Variants in C12orf42 observed in about 807,000 individuals in gnomAD.
C12orf42 encodes uncharacterized protein C12orf42.
In C12orf42, 25 loss-of-function variants were observed where a neutral mutation model predicts 21.6. That is an observed-to-expected ratio of 1.16 (90% confidence interval 0.84 to 1.62). C12orf42 has a LOEUF of 1.62. C12orf42 is among the 40% of genes most tolerant of loss of function. The probability of loss-of-function intolerance (pLI) is 0.00; values close to 1 mark genes in which losing one functional copy is unlikely to be tolerated. For missense variants in C12orf42, 483 were observed against 459.3 expected (o/e 1.05, Z -0.47); for synonymous variants, 174 against 175.0 (o/e 0.99, Z 0.05).
At chr12:103,422,271 G>A (rs1345086301) in intron 2 of C12orf42, among the ~76,000 whole-genome samples, 3 of 152,160 alleles carry the variant, frequency 2.0e-5, no homozygotes, top group Non-Finnish European at 4.4e-5. Flanking sequence ...GTACTTTCAA[G>A]AAACAACCCT....
chr12:103,052,142 G>A, the C12orf42 span, among the ~76,000 whole-genome samples: 3 of 151,994 alleles, frequency 2.0e-5, no homozygotes, highest in Non-Finnish European at 4.4e-5. Context: ...TAAAAATAAT[G>A]CTGCCTTGAA....
At position 103,477,477 on chromosome 12, in the gene C12orf42, A is replaced by G. The variant is rs563285716; in HGVS notation, c.78+872T>C. ...GTCCTAATGCCTAGAACCTGTGAAC[A>G]TTACCTTAGGTGGCAAAAGGAACGT... On this transcript the variant is annotated intron_variant, in intron 2 of 5. Transcript: ENST00000548883. Among the ~76,000 whole-genome samples the G allele has an allele frequency of 3.3e-5, 5 of 152,276 alleles. No individual in the cohort carries two copies. The East Asian group carries it at 5.8e-4, about 18-fold the overall frequency.
the C12orf42 span, among the ~76,000 whole-genome samples, chr12:103,114,259 G>A: frequency 6.6e-6 from 1 of 151,948 alleles, no homozygotes; most frequent in African/African-American, 2.4e-5. Flanking sequence ...TTTAAAGAAA[G>A]ATCAGTTTAG....
the C12orf42 span, among the ~76,000 whole-genome samples, chr12:103,139,524 A>C: frequency 8.5e-4 from 130 of 152,282 alleles, 1 homozygote; most frequent in East Asian, 0.022. Flanking sequence ...CTGGCTCAAA[A>C]AGAAGAGCAA....
intron 3 of C12orf42, among the ~76,000 whole-genome samples, chr12:103,371,562 A>C (rs2045238741): frequency 6.6e-6 from 1 of 152,202 alleles, no homozygotes. Context: ...AAAATAAGTG[A>C]AAGGGAGAGA....
At chr12:103,540,260 C>G in the C12orf42 span, among the ~76,000 whole-genome samples, 1 of 152,198 alleles carries the variant, frequency 6.6e-6, no homozygotes, top group Non-Finnish European at 1.5e-5. Context: ...CCTGCCGCAG[C>G]CTCCCAAAGT....
the C12orf42 span, among the ~76,000 whole-genome samples, chr12:103,223,402 C>G: frequency 6.6e-6 from 1 of 152,044 alleles, no homozygotes; most frequent in African/African-American, 2.4e-5. Flanking sequence ...AATTGAGAAA[C>G]TAAATGGAAT....
In C12orf42 at chr12:103,367,728, T is replaced by G. The variant is rs189831528; in HGVS notation, c.259+1159A>C. On this transcript the variant is annotated intron_variant, in intron 4 of 5. Coordinates refer to ENST00000548883, the MANE Select transcript of C12orf42 (RefSeq NM_198521.5). ...GGAAAAAGACTGTCTACTATGTACC[T>G]CTTTATATTTTTAGTTTTTGAACCA... Among the ~76,000 whole-genome samples the G allele has an allele frequency of 2.7e-3, 412 of 152,124 alleles. 1 individual carries two copies. Among genetic ancestry groups the G allele is most frequent in the African/African-American group, 9.6e-3 (398 of 41,548 alleles).
the C12orf42 span, among the ~76,000 whole-genome samples, chr12:103,053,515 A>G: frequency 6.6e-6 from 1 of 151,966 alleles, no homozygotes; most frequent in South Asian, 2.1e-4. Context: ...TCTCAAATAC[A>G]TGGTTTACAA....
the C12orf42 span, among the ~76,000 whole-genome samples, chr12:103,226,387 G>A: frequency 3.3e-5 from 5 of 152,170 alleles, no homozygotes; most frequent in Non-Finnish European, 7.4e-5. Context: ...GTAATAAAAT[G>A]TATATTGAGA....
intron 4 of C12orf42, among the ~76,000 whole-genome samples, chr12:103,294,617 A>AAAGAAAGG (rs1555246077): frequency 4.8e-5 from 7 of 145,548 alleles, no homozygotes; most frequent in Non-Finnish European, 8.9e-5. Context: ...AGAAAGAAAG[A>AAAGAAAGG]AAGAAAGAAA....
intron 2 of C12orf42, among the ~76,000 whole-genome samples, chr12:103,445,678 ACT>A (rs1951535168): frequency 2.0e-5 from 3 of 151,600 alleles, no homozygotes; most frequent in African/African-American, 7.3e-5. Context: ...TATTGCAAAT[ACT>A]CTCTCCCATT....
intron 2 of C12orf42, chr12:103,441,543 C>A (rs567422347): frequency 6.6e-6 from 1 of 152,262 alleles, no homozygotes; most frequent in South Asian, 2.1e-4. Flanking sequence ...CACACAGGAG[C>A]AGCAGCCTCC....
At chr12:103,300,611 GTTAA>G (rs971426501), downstream of C12orf42, among the ~76,000 whole-genome samples, 5 of 152,044 alleles carry the variant, frequency 3.3e-5, no homozygotes, top group African/African-American at 1.2e-4. Flanking sequence ...CAAATTTTTG[GTTAA>G]TTGTTTTAAA....
At chr12:103,295,631 G>A (rs144130559) in intron 4 of C12orf42, among the ~76,000 whole-genome samples, 1 of 152,094 alleles carries the variant, frequency 6.6e-6, no homozygotes, top group Non-Finnish European at 1.5e-5. Context: ...TGATGACACA[G>A]TCAGCAGAAA....
intron 4 of C12orf42, among the ~76,000 whole-genome samples, chr12:103,357,679 AC>A (rs2043711070): frequency 6.6e-6 from 1 of 151,248 alleles, no homozygotes; most frequent in Non-Finnish European, 1.5e-5. Flanking sequence ...TTCACCAAAA[AC>A]TCCAAGTTTC....
chr12:103,144,849 G>C, the C12orf42 span, among the ~76,000 whole-genome samples: 2 of 152,154 alleles, frequency 1.3e-5, no homozygotes, highest in African/African-American at 4.8e-5. Context: ...ACTAGGCTTA[G>C]AATGAGCAAA....
the C12orf42 span, among the ~76,000 whole-genome samples, chr12:103,064,558 A>G: frequency 6.6e-6 from 1 of 152,242 alleles, no homozygotes; most frequent in African/African-American, 2.4e-5. Flanking sequence ...ATAAAAACAG[A>G]AAATCATGGC....
the C12orf42 span, among the ~76,000 whole-genome samples, chr12:103,161,847 A>G: frequency 1.3e-5 from 2 of 152,198 alleles, no homozygotes; most frequent in East Asian, 3.8e-4. Flanking sequence ...AACTTTATGT[A>G]CTTATTAAGC....
Sources: gnomAD v4.1 joint callset for allele counts (sites outside exome capture counted in the v4.1 genomes callset) on GRCh38, gnomAD v4.1.1 for gene constraint, MANE v1.5 for transcripts, NCBI Gene and HGNC (gene_info 2026-07-23, HGNC 2026-07-21) for gene names.